TRAPPC12: variants seen among roughly 807,000 people sequenced by gnomAD.
The protein encoded by TRAPPC12 is trafficking protein particle complex subunit 12.
In TRAPPC12, 61 loss-of-function variants were observed where a neutral mutation model predicts 69.2. That is an observed-to-expected ratio of 0.88 (90% CI 0.72 to 1.09). TRAPPC12 has a LOEUF of 1.09. Among genes scored for constraint, TRAPPC12 ranks in the 50% least tolerant of loss-of-function variants. The pLI is 0.00. For synonymous variants in TRAPPC12, 469 were observed against 438.9 expected (o/e 1.07, Z -0.86); for missense variants, 1,101 against 1,016.4 (o/e 1.08, Z -1.13).
chr2:3,397,200 C>A (rs1270119042), intron 2 of TRAPPC12, among the ~76,000 whole-genome samples: 1 of 152,148 alleles, frequency 6.6e-6, no homozygotes, highest in African/African-American at 2.4e-5. Context: ...GCCCTTTATT[C>A]TGACAAGCAA....
intron 10 of TRAPPC12, among the ~76,000 whole-genome samples, chr2:3,478,356 G>A: frequency 6.6e-6 from 1 of 152,216 alleles, no homozygotes; most frequent in East Asian, 1.9e-4. Flanking sequence ...GGCTTGGCCG[G>A]GTGCAGTGGC....
At chr2:3,383,184 T>C (rs1558334294) in intron 1 of TRAPPC12, among the ~76,000 whole-genome samples, 1 of 152,310 alleles carries the variant, frequency 6.6e-6, no homozygotes, top group South Asian at 2.1e-4. Context: ...ATTCTTCGTG[T>C]TAATCCTTTC....
chr2:3,452,730 G>T (rs1326362654), intron 6 of TRAPPC12, among the ~76,000 whole-genome samples: 1 of 152,206 alleles, frequency 6.6e-6, no homozygotes, highest in Non-Finnish European at 1.5e-5. Context: ...ATATTTAATA[G>T]TCAGTGCAGC....
chr2:3,388,133 C>G lies in TRAPPC12; in HGVS notation c.510C>G (p.Ala170=). The G allele has an allele frequency of 4.4e-6, 7 of 1,594,556 alleles. No homozygotes were observed. Among genetic ancestry groups the G allele is most frequent in the Non-Finnish European group, 6.0e-6 (7 of 1,172,722 alleles). Residue 170 remains alanine, a synonymous_variant, in exon 2 of 12, where the codon GCC becomes GCG. Transcript: ENST00000324266. ...CTIFSQRAPP[A]SGDGFEPQMV... is the part of the protein sequence containing the mutation. ...TCTTCAGCCAGCGCGCGCCCCCAGC[C>G]TCCGGGGACGGCTTCGAGCCGCAGA...
intron 4 of TRAPPC12, among the ~76,000 whole-genome samples, chr2:3,424,240 A>G (rs1405856900): frequency 6.6e-6 from 1 of 152,220 alleles, no homozygotes; most frequent in African/African-American, 2.4e-5. Flanking sequence ...CTTCTTAGAG[A>G]CAGGGTCTCG....
chr2:3,408,406 C>T (rs761978003), intron 3 of TRAPPC12, among the ~76,000 whole-genome samples: 19 of 152,154 alleles, frequency 1.2e-4, no homozygotes, highest in Admixed American at 5.9e-4. Flanking sequence ...GTGGGTGGAT[C>T]GTTTGAGCCC....
At chr2:3,445,619 GTTA>G (rs762535828) in intron 6 of TRAPPC12, among the ~76,000 whole-genome samples, 2 of 152,238 alleles carry the variant, frequency 1.3e-5, no homozygotes, top group Non-Finnish European at 2.9e-5. Flanking sequence ...TGAAGGAGAT[GTTA>G]TTATCCCAAT....
At chr2:3,415,907 G>A (rs1017626746) in intron 3 of TRAPPC12, among the ~76,000 whole-genome samples, 21 of 151,612 alleles carry the variant, frequency 1.4e-4, no homozygotes, top group Admixed American at 9.2e-4. Context: ...TAGTAGAGGC[G>A]GGGTTTCACC....
rs935429344 is a variant in TRAPPC12 at position 3,460,086 on chromosome 2, G to A, written c.1604-177G>A. 4 of 683,852 alleles carry A rather than the reference G, an allele frequency of 5.8e-6. No homozygotes were observed. The Admixed American group carries it at 8.3e-5, about 14-fold the overall frequency. The allele number at this position is 683,852 out of a possible 1,614,324, so 42.4% of individuals were successfully genotyped here. On this transcript the variant is annotated intron_variant, in intron 7 of 11. Transcript: ENST00000324266. ...AGCCACCTCTGGTCCCAATGCGAGTGCTGTATTTTCTGCCTCAGTGCAGCC... is the reference window on the plus strand; with the variant it reads ...AGCCACCTCTGGTCCCAATGCGAGTACTGTATTTTCTGCCTCAGTGCAGCC...
In TRAPPC12 at chr2:3,424,640, C is replaced by T. The variant is rs1016157602; in HGVS notation, c.1394C>T (p.Pro465Leu). The T allele has an allele frequency of 1.9e-5, 31 of 1,612,120 alleles. No individual in the cohort carries two copies. Among genetic ancestry groups the T allele is most frequent in the Admixed American group, 8.4e-5 (5 of 59,412 alleles). ...CCAGATCTTTATTACGAGTACTACC[C>T]GCACGTGTACCCTGGGCGCAGGGGT... is the stretch of plus-strand genomic sequence containing the variant. Reference protein sequence around the residue: ...DQPDLYYEYYPHVYPGRRGSM... With the variant: ...DQPDLYYEYYLHVYPGRRGSM... Residue 465 changes from proline to leucine, a missense_variant, in exon 5 of 12, where the codon CCG becomes CTG. Coordinates refer to ENST00000324266, the MANE Select transcript of TRAPPC12 (RefSeq NM_016030.6).
chr2:3,392,980 C>G (rs945455818), intron 2 of TRAPPC12, among the ~76,000 whole-genome samples: 1 of 152,196 alleles, frequency 6.6e-6, no homozygotes, highest in South Asian at 2.1e-4. Flanking sequence ...TGTAGTGGCT[C>G]ACGCCCATAA....
intron 8 of TRAPPC12, 143 bp downstream of exon 8, chr2:3,460,479 C>A (rs1052713565): frequency 6.6e-6 from 4 of 606,124 alleles, no homozygotes; most frequent in Non-Finnish European, 1.2e-5. Context: ...AACAGGGAGC[C>A]CAGTGACACA....
At chr2:3,406,338 A>T (rs1488707444) in intron 3 of TRAPPC12, among the ~76,000 whole-genome samples, 1 of 152,208 alleles carries the variant, frequency 6.6e-6, no homozygotes, top group Non-Finnish European at 1.5e-5. Context: ...ACCACTGGAA[A>T]CTATGCTCCC....
At chr2:3,382,896 G>A (rs976829676) in intron 1 of TRAPPC12, among the ~76,000 whole-genome samples, 1 of 152,166 alleles carries the variant, frequency 6.6e-6, no homozygotes, top group African/African-American at 2.4e-5. Flanking sequence ...TTGCACTCCC[G>A]CCAGGGTGAC....
intron 5 of TRAPPC12, among the ~76,000 whole-genome samples, chr2:3,428,416 A>G (rs1015340361): frequency 1.3e-5 from 2 of 152,338 alleles, no homozygotes; most frequent in Admixed American, 6.5e-5. Context: ...TTCGCTTGCA[A>G]TATATAAGCA....
chr2:3,401,877 G>C lies in TRAPPC12; in HGVS notation c.1148G>C (p.Gly383Ala). The C allele has an allele frequency of 6.3e-7, 1 of 1,585,880 alleles. No homozygotes were observed. Among genetic ancestry groups the C allele is most frequent in the Non-Finnish European group, 8.6e-7 (1 of 1,167,738 alleles). The change falls in exon 3 of 12, where the codon GGA (glycine) becomes GCA (alanine). Residue 383 changes from glycine (G) to alanine (A), a missense_variant. Gly to Ala is a moderately conservative substitution (Grantham distance 60). Transcript: ENST00000324266. Reference sequence around the variant, plus strand: ...GACTCAGTGGAACAATCTTTTGTTGGATTGAAACAGCTAATCGTAAGTGAC... The same window carrying C: ...GACTCAGTGGAACAATCTTTTGTTGCATTGAAACAGCTAATCGTAAGTGAC... Reference protein sequence around the residue: ...NADSVEQSFVGLKQLISCRNW... With the variant: ...NADSVEQSFVALKQLISCRNW...
chr2:3,456,679 G>A (rs1259601656), intron 6 of TRAPPC12: 3 of 190,470 alleles, frequency 1.6e-5, no homozygotes, highest in South Asian at 9.3e-5. Context: ...CCCAGGCTCA[G>A]GTGATCCTCC....
At chr2:3,460,907 AC>A (rs1665458327) in intron 8 of TRAPPC12, 1 of 152,796 alleles carries the variant, frequency 6.5e-6, no homozygotes, top group Admixed American at 6.5e-5. Context: ...TTTGGAACGC[AC>A]CCCACACCTG....
chr2:3,409,008 C>G (rs749078421), intron 3 of TRAPPC12, among the ~76,000 whole-genome samples: 11 of 152,224 alleles, frequency 7.2e-5, no homozygotes, highest in Non-Finnish European at 1.6e-4. Context: ...CCCTGCCCGG[C>G]CAGGGGCAGT....
Sources: gnomAD v4.1 joint callset for allele counts (sites outside exome capture counted in the v4.1 genomes callset) on GRCh38, gnomAD v4.1.1 for gene constraint, MANE v1.5 for transcripts, NCBI Gene and HGNC (gene_info 2026-07-23, HGNC 2026-07-21) for gene names.